Variants in B3GALT1 observed in about 807,000 individuals in gnomAD.
The protein encoded by B3GALT1 is UDP-Gal:betaGlcNAc beta 1,3-galactosyltransferase, polypeptide 1.
A neutral mutation model predicts 23.2 loss-of-function variants in B3GALT1; 10 were observed. The ratio of observed to expected loss-of-function variants is 0.43; its 90% confidence interval spans 0.27 to 0.73. The LOEUF is 0.73. B3GALT1 is among the 30% of genes least tolerant of loss of function. The probability of loss-of-function intolerance (pLI) is 0.21; values close to 1 mark genes in which losing one functional copy is unlikely to be tolerated. For synonymous variants in B3GALT1, 156 were observed against 141.5 expected (o/e 1.10, Z -0.73); for missense variants, 299 against 405.4 (o/e 0.74, Z 2.25).
At chr2:167,811,596 T>G (rs1360124723) in intron 3 of B3GALT1, among the ~76,000 whole-genome samples, 14 of 152,210 alleles carry the variant, frequency 9.2e-5, no homozygotes, top group Non-Finnish European at 8.8e-5. Context: ...CTTGATCAAT[T>G]CTCATTCAAG....
chr2:167,324,228 T>TG (rs1696855588), intron 1 of B3GALT1, among the ~76,000 whole-genome samples: 1 of 152,106 alleles, frequency 6.6e-6, no homozygotes, highest in Non-Finnish European at 1.5e-5. Context: ...TGGGCCAAAA[T>TG]TACCATACAT....
chr2:167,558,679 C>G (rs1683901787), intron 2 of B3GALT1, among the ~76,000 whole-genome samples: 1 of 152,228 alleles, frequency 6.6e-6, no homozygotes. Context: ...TCGGAGGTTC[C>G]TACGCCCATG....
intron 1 of B3GALT1, among the ~76,000 whole-genome samples, chr2:167,443,999 T>A (rs1405598091): frequency 6.6e-6 from 1 of 152,148 alleles, no homozygotes. Flanking sequence ...ATATTGGCTG[T>A]GGGTTTGTTT....
At chr2:167,581,946 G>C (rs912256296) in intron 2 of B3GALT1, among the ~76,000 whole-genome samples, 9 of 152,134 alleles carry the variant, frequency 5.9e-5, no homozygotes, top group African/African-American at 2.2e-4. Context: ...CCTGTCTTCT[G>C]TGCATATGTG....
At chr2:167,411,368 A>C (rs1319254270) in intron 1 of B3GALT1, among the ~76,000 whole-genome samples, 2 of 80,786 alleles carry the variant, frequency 2.5e-5, no homozygotes, top group Non-Finnish European at 5.3e-5. Context: ...CTCAATAGCA[A>C]ACAAAAAACC....
intron 2 of B3GALT1, among the ~76,000 whole-genome samples, chr2:167,600,115 T>C (rs529821675): frequency 4.6e-5 from 7 of 152,194 alleles, no homozygotes; most frequent in African/African-American, 1.7e-4. Context: ...ATAATATAAA[T>C]CCCTAAAAAG....
intron 2 of B3GALT1, among the ~76,000 whole-genome samples, chr2:167,528,373 T>C (rs1180219504): frequency 6.6e-6 from 1 of 152,326 alleles, no homozygotes; most frequent in South Asian, 2.1e-4. Flanking sequence ...TTGGTCTGTT[T>C]TGTGCGTCTG....
Position 167,870,070 on chromosome 2 carries a change from C to T in B3GALT1, c.*50C>T. 6.7e-7 allele frequency: 1 copy of T among 1,501,822 alleles called. No individual in the cohort carries two copies. The highest frequency in any genetic ancestry group is 8.9e-7 in the Non-Finnish European group (1 of 1,119,548). 93.0% of individuals were successfully genotyped at this position (1,501,822 alleles called of 1,614,324 possible). On this transcript the variant is annotated 3_prime_UTR_variant, in exon 5 of 5. Coordinates refer to ENST00000392690, the MANE Select transcript of B3GALT1 (RefSeq NM_020981.4). ...TCTTTTCTTTTTTTAAGAAATGGGA[C>T]CTAAGGTGTTGGTATTTTCCAGGTG...
chr2:167,566,357 G>T (rs934859999), intron 2 of B3GALT1, among the ~76,000 whole-genome samples: 15 of 151,438 alleles, frequency 9.9e-5, no homozygotes, highest in African/African-American at 2.7e-4. Context: ...GTTTTGGGGT[G>T]GGGGGAGAGG....
chr2:167,519,091 T>C (rs565159643), intron 2 of B3GALT1, among the ~76,000 whole-genome samples: 15 of 151,922 alleles, frequency 9.9e-5, no homozygotes, highest in African/African-American at 3.6e-4. Context: ...TTTTTGTAAA[T>C]TTAGAGTATG....
chr2:167,848,336 A>T (rs1689804921), intron 4 of B3GALT1, among the ~76,000 whole-genome samples: 1 of 152,206 alleles, frequency 6.6e-6, no homozygotes, highest in African/African-American at 2.4e-5. Flanking sequence ...AGATTCTAAA[A>T]TCCTTAACAA....
intron 1 of B3GALT1, among the ~76,000 whole-genome samples, chr2:167,385,184 A>G (rs1697907785): frequency 6.6e-6 from 1 of 152,068 alleles, no homozygotes. Context: ...CAGGAGCTCT[A>G]ACTCCCAAGT....
At chr2:167,309,696 A>G (rs762694118) in intron 1 of B3GALT1, among the ~76,000 whole-genome samples, 3 of 152,124 alleles carry the variant, frequency 2.0e-5, no homozygotes, top group Non-Finnish European at 4.4e-5. Flanking sequence ...ATAATCTGCA[A>G]AAAAGTTAAG....
chr2:167,806,004 C>A (rs568932286), intron 3 of B3GALT1, among the ~76,000 whole-genome samples: 1 of 142,070 alleles, frequency 7.0e-6, no homozygotes, highest in Non-Finnish European at 1.5e-5. Context: ...TTTATTTCCT[C>A]GAGCAGTGGT....
chr2:167,353,906 A>G (rs748187564), intron 1 of B3GALT1, among the ~76,000 whole-genome samples: 12 of 152,032 alleles, frequency 7.9e-5, no homozygotes, highest in Non-Finnish European at 1.6e-4. Context: ...TTCTTGTGGT[A>G]ATAAAGGGTG....
At chr2:167,834,747 G>C (rs66829225) in intron 4 of B3GALT1, among the ~76,000 whole-genome samples, 22,468 of 151,972 alleles carry the variant, frequency 0.15, 1,935 homozygotes, top group South Asian at 0.28. Context: ...TACTCAGGAG[G>C]CTGAAGCAGA....
intron 2 of B3GALT1, among the ~76,000 whole-genome samples, chr2:167,570,350 G>A (rs13015833): frequency 0.29 from 44,620 of 151,618 alleles, 7,286 homozygotes; most frequent in East Asian, 0.72. Context: ...AATAGATATA[G>A]GTCTATTTTT....
chr2:167,563,976 A>C, intron 2 of B3GALT1, among the ~76,000 whole-genome samples: 2 of 130,454 alleles, frequency 1.5e-5, no homozygotes, highest in Non-Finnish European at 1.6e-5. Context: ...TCCCTTCCGG[A>C]CGGGGCAGCC....
chr2:167,793,787 C>T (rs1688489959), intron 3 of B3GALT1, among the ~76,000 whole-genome samples: 1 of 152,166 alleles, frequency 6.6e-6, no homozygotes, highest in Admixed American at 6.5e-5. Flanking sequence ...ACTTAGCAAA[C>T]ATATGAATAA....
Sources: gnomAD v4.1 joint callset for allele counts (sites outside exome capture counted in the v4.1 genomes callset) on GRCh38, gnomAD v4.1.1 for gene constraint, MANE v1.5 for transcripts, NCBI Gene and HGNC (gene_info 2026-07-23, HGNC 2026-07-21) for gene names.